Variants in TBC1D19 observed in about 807,000 individuals in gnomAD.
The protein encoded by TBC1D19 is TBC1 domain family, member 19.
Under a neutral mutation model 89.0 loss-of-function variants are expected in TBC1D19, and 60 were observed. The observed-to-expected ratio is 0.67, with a 90% CI of 0.55 to 0.84. TBC1D19 has a LOEUF of 0.84. Ranked by LOEUF, TBC1D19 falls within the 40% of genes least tolerant of loss-of-function variation. The pLI, the probability that TBC1D19 is intolerant of heterozygous loss-of-function variation, is 0.00. For missense variants in TBC1D19, 500 were observed against 610.8 expected (o/e 0.82, Z 1.91); for synonymous variants, 189 against 199.7 (o/e 0.95, Z 0.45).
At chr4:26,681,364 C>G (rs777343420) in intron 11 of TBC1D19, among the ~76,000 whole-genome samples, 1 of 151,708 alleles carries the variant, frequency 6.6e-6, no homozygotes, top group Admixed American at 6.6e-5. Context: ...ACGGTGAAAC[C>G]CTGTCTCTAA....
chr4:26,633,182 AT>A (rs1230130853), intron 4 of TBC1D19, among the ~76,000 whole-genome samples: 2 of 152,256 alleles, frequency 1.3e-5, no homozygotes, highest in African/African-American at 4.8e-5. Flanking sequence ...CTTCAATGGT[AT>A]AAGTCTTCCA....
Position 26,637,221 on chromosome 4 carries a change from A to T in TBC1D19, c.305A>T (p.Glu102Val), listed in dbSNP as rs893106091. 1 of 1,605,992 alleles carries T rather than the reference A, an allele frequency of 6.2e-7. No homozygotes were observed. The highest frequency in any genetic ancestry group is 8.5e-7 in the Non-Finnish European group (1 of 1,175,638). Residue 102 changes from glutamate (E) to valine (V), a missense_variant, in exon 5 of 21, where the codon GAA (glutamate) becomes GTA (valine). Physicochemically the swap from Glu to Val is moderately radical, Grantham distance 121. This residue lies in a region of TBC1D19 where 280 missense variants were observed against 291.7 expected (regional missense o/e 0.96). Transcript: ENST00000264866. ...VYMRKAQGSW[E>V]KRILKSLNSM... ...TTTTTTATGTTTCAGGGAAGTTGGG[A>T]AAAAAGAATTTTGAAGAGTTTAAAT...
chr4:26,855,650 G>A, the TBC1D19 span, among the ~76,000 whole-genome samples: 4 of 152,202 alleles, frequency 2.6e-5, no homozygotes, highest in Non-Finnish European at 5.9e-5. Flanking sequence ...GAGGTGGGCA[G>A]CCCTTTGAAG....
rs1168548454 is a variant in TBC1D19, at chr4:26,753,847, G to C, written c.1463G>C (p.Arg488Pro). Reference sequence around the variant, plus strand: ...CTGGCAGCTGCCGTGTTTGCTTTCCGAGCAGTGAACCTGATGGAGGTGACA... The same window carrying C: ...CTGGCAGCTGCCGTGTTTGCTTTCCCAGCAGTGAACCTGATGGAGGTGACA... The part of the protein sequence containing the change: ...AVLAAAVFAF[R>P]AVNLMEVTSL... Residue 488 changes from arginine (R) to proline (P), a missense_variant, in exon 20 of 21, where the codon CGA becomes CCA. Physicochemically the swap from Arg to Pro is moderately radical, Grantham distance 103 (BLOSUM62 -2). Coordinates refer to ENST00000264866, the MANE Select transcript of TBC1D19 (RefSeq NM_018317.4). 3.1e-6 allele frequency: 5 copies of C among 1,613,782 alleles called. No homozygotes were observed. The highest frequency in any genetic ancestry group is 4.2e-6 in the Non-Finnish European group (5 of 1,179,892).
intron 13 of TBC1D19, among the ~76,000 whole-genome samples, chr4:26,704,313 C>T (rs963081679): frequency 2.0e-5 from 3 of 150,068 alleles, no homozygotes; most frequent in African/African-American, 2.5e-5. Flanking sequence ...TCACAAACTA[C>T]GTAAGTTAAC....
the TBC1D19 span, chr4:26,858,585 G>A: frequency 6.6e-6 from 1 of 152,240 alleles, no homozygotes; most frequent in Non-Finnish European, 1.5e-5. Context: ...TCTTGCCAAG[G>A]AATGGATTTT....
Position 26,742,515 on chromosome 4 carries a change from T to C in TBC1D19, c.1235T>C (p.Val412Ala). 1 of 1,609,702 alleles carries C rather than the reference T, an allele frequency of 6.2e-7. No homozygotes were observed. Among genetic ancestry groups the C allele is most frequent in the Non-Finnish European group, 8.5e-7 (1 of 1,177,406 alleles). ...HSISSHPSGI[V>A]SLCLLFETLL... ...ATTCATTATTGTATCCAGGGTATTG[T>C]GTCACTCTGTCTGCTGTTTGAAACT... Residue 412 changes from valine to alanine, a missense_variant, in exon 18 of 21, where the codon GTG (valine) becomes GCG (alanine). This residue lies in a region of TBC1D19 where 220 missense variants were observed against 319.1 expected (regional missense o/e 0.69). Transcript: ENST00000264866.
the TBC1D19 span, among the ~76,000 whole-genome samples, chr4:26,824,539 G>A: frequency 2.6e-5 from 4 of 152,252 alleles, no homozygotes; most frequent in Admixed American, 6.5e-5. Flanking sequence ...AATTATGACC[G>A]TCAGCTTCTG....
chr4:26,698,765 G>A (rs1281103424), intron 13 of TBC1D19, among the ~76,000 whole-genome samples: 1 of 152,140 alleles, frequency 6.6e-6, no homozygotes, highest in African/African-American at 2.4e-5. Flanking sequence ...AATGGGGAAA[G>A]GATTCCCTAT....
At chr4:26,724,851 C>T (rs1717207725) in intron 15 of TBC1D19, among the ~76,000 whole-genome samples, 2 of 152,210 alleles carry the variant, frequency 1.3e-5, no homozygotes, top group Admixed American at 6.5e-5. Flanking sequence ...GCTCCTACCC[C>T]AGCCTCTTTC....
At chr4:26,722,577 G>A (rs531242939) in intron 15 of TBC1D19, among the ~76,000 whole-genome samples, 1 of 152,220 alleles carries the variant, frequency 6.6e-6, no homozygotes, top group South Asian at 2.1e-4. Flanking sequence ...TCAGTCTGGG[G>A]CCATTTTATG....
chr4:26,778,035 A>G, the TBC1D19 span, among the ~76,000 whole-genome samples: 1 of 149,102 alleles, frequency 6.7e-6, no homozygotes, highest in African/African-American at 2.5e-5. Flanking sequence ...AACCTGGGCA[A>G]CAGAGCAGGG....
At chr4:26,710,481 T>G (rs1170602981) in intron 13 of TBC1D19, among the ~76,000 whole-genome samples, 1 of 152,054 alleles carries the variant, frequency 6.6e-6, no homozygotes, top group South Asian at 2.1e-4. Context: ...GTATAATGCC[T>G]CAATAAACAT....
intron 13 of TBC1D19, among the ~76,000 whole-genome samples, chr4:26,691,760 G>A (rs7655144): frequency 0.38 from 56,997 of 151,874 alleles, 11,679 homozygotes; most frequent in Non-Finnish European, 0.46. Flanking sequence ...TGGTGGTCTG[G>A]AACTGAACCT....
At chr4:26,731,862 A>T in intron 15 of TBC1D19, among the ~76,000 whole-genome samples, 1 of 152,088 alleles carries the variant, frequency 6.6e-6, no homozygotes, top group East Asian at 1.9e-4. Flanking sequence ...GTCCGTAGGG[A>T]TGGGAAACCA....
At chr4:26,627,595 G>A (rs1359326625) in intron 4 of TBC1D19, among the ~76,000 whole-genome samples, 1 of 152,108 alleles carries the variant, frequency 6.6e-6, no homozygotes, top group Non-Finnish European at 1.5e-5. Flanking sequence ...ACTGGTGTGA[G>A]ATGGTATCTC....
At chr4:26,842,340 C>CTTTTTTT in the TBC1D19 span, among the ~76,000 whole-genome samples, 177 of 81,598 alleles carry the variant, frequency 2.2e-3, no homozygotes, top group East Asian at 3.1e-3. Flanking sequence ...CTTTTCTTTT[C>CTTTTTTT]TTTTTTTTTT....
At chr4:26,821,977 G>T in the TBC1D19 span, among the ~76,000 whole-genome samples, 1 of 152,204 alleles carries the variant, frequency 6.6e-6, no homozygotes, top group African/African-American at 2.4e-5. Flanking sequence ...AAGACAAGAT[G>T]GGGAATTGTT....
chr4:26,779,569 G>C, the TBC1D19 span, among the ~76,000 whole-genome samples: 1 of 152,184 alleles, frequency 6.6e-6, no homozygotes, highest in South Asian at 2.1e-4. Context: ...CTTCCCAGCA[G>C]CAACTGGGGC....
Sources: allele counts gnomAD v4.1 joint callset (sites outside exome capture counted in the v4.1 genomes callset), GRCh38; gene constraint gnomAD v4.1.1; regional missense constraint gnomAD v4.1.1; transcripts MANE v1.5; gene names NCBI Gene and HGNC (gene_info 2026-07-23, HGNC 2026-07-21).